Variants in SLC1A7 observed in about 807,000 individuals in gnomAD.
SLC1A7 encodes the protein excitatory amino acid transporter 5.
SLC1A7 carries 40 observed loss-of-function variants against 47.7 expected under a neutral mutation model. The observed-to-expected ratio is 0.84, with a 90% CI of 0.65 to 1.09. SLC1A7 has a LOEUF of 1.09. SLC1A7 is among the 50% of genes least tolerant of loss of function. The pLI, the probability that SLC1A7 is intolerant of heterozygous loss-of-function variation, is 0.00. For synonymous variants in SLC1A7, 323 were observed against 325.6 expected (o/e 0.99, Z 0.09); for missense variants, 746 against 769.5 (o/e 0.97, Z 0.36).
At chr1:53,096,393 A>C (rs962035908) in intron 5 of SLC1A7, among the ~76,000 whole-genome samples, 1 of 136,852 alleles carries the variant, frequency 7.3e-6, no homozygotes, top group Non-Finnish European at 1.6e-5. Context: ...GCCTAGGTAC[A>C]CTCACACGCC....
chr1:53,123,582 G>A (rs1424668216), intron 2 of SLC1A7, among the ~76,000 whole-genome samples: 3 of 152,328 alleles, frequency 2.0e-5, no homozygotes, highest in East Asian at 1.9e-4. Context: ...CCGGGGGTGG[G>A]GGTAGCTGTG....
rs188566480 is a variant in SLC1A7, at chr1:53,127,242, G to C, written c.215+7108C>G. On this transcript the variant is annotated intron_variant, in intron 2 of 10. Transcript: ENST00000371494. Reference sequence around the variant, plus strand: ...TATTCATTGAAAATGTATTGATCAGGCACAGGCAGTAGCAGGCCCTGTATG... The same window carrying C: ...TATTCATTGAAAATGTATTGATCAGCCACAGGCAGTAGCAGGCCCTGTATG... Among the ~76,000 whole-genome samples, 3 of 152,242 alleles carry C rather than the reference G, an allele frequency of 2.0e-5. No homozygotes were observed. The East Asian group carries it at 5.8e-4, about 29-fold the overall frequency.
At chr1:53,136,560 T>TATATTATATATAAACATATATA (rs1553165471) in intron 1 of SLC1A7, among the ~76,000 whole-genome samples, 24,121 of 80,292 alleles carry the variant, frequency 0.3, 3,998 homozygotes, top group Admixed American at 0.43. Flanking sequence ...TATATAAACA[T>TATATTATATATAAACATATATA]ATATATAAAC....
chr1:53,140,227 T>C (rs1319860330), intron 1 of SLC1A7, among the ~76,000 whole-genome samples: 1 of 152,248 alleles, frequency 6.6e-6, no homozygotes, highest in Non-Finnish European at 1.5e-5. Context: ...TACATTTGCA[T>C]TTCCAAACAG....
chr1:53,126,156 C>T lies in SLC1A7; in HGVS notation c.215+8194G>A, dbSNP rs1644879326. Among the ~76,000 whole-genome samples, 2 of 152,168 alleles carry T rather than the reference C, an allele frequency of 1.3e-5. 1 individual carries two copies. Among genetic ancestry groups the T allele is most frequent in the African/African-American group, 4.8e-5 (2 of 41,430 alleles). On this transcript the variant is annotated intron_variant, in intron 2 of 10. Transcript: ENST00000371494. ...GAGAGCATCAGCATACACTCAGAGG[C>T]CGTGATCTAAAACACCCACCCCTCT...
At chr1:53,119,397 G>C (rs553559427) in intron 2 of SLC1A7, among the ~76,000 whole-genome samples, 1 of 152,274 alleles carries the variant, frequency 6.6e-6, no homozygotes, top group South Asian at 2.1e-4. Flanking sequence ...TGCCCAGGCT[G>C]GGGCTCAGTG....
At chr1:53,095,664 GTACACTCACACACCCCAGCTCAA>G (rs1396945338) in intron 5 of SLC1A7, among the ~76,000 whole-genome samples, 2 of 140,558 alleles carry the variant, frequency 1.4e-5, no homozygotes, top group Admixed American at 1.4e-4. Context: ...ACCTGCCTAG[GTACACTCACACACCCCAGCTCAA>G]TACACTCACA....
intron 2 of SLC1A7, among the ~76,000 whole-genome samples, chr1:53,127,849 A>G (rs573531652): frequency 6.5e-4 from 99 of 152,250 alleles, no homozygotes; most frequent in African/African-American, 2.3e-3. Context: ...CTGAGGGAGC[A>G]TGGAGGCGGA....
chr1:53,112,977 C>T (rs375671539), intron 3 of SLC1A7, among the ~76,000 whole-genome samples: 2 of 151,768 alleles, frequency 1.3e-5, no homozygotes, highest in Admixed American at 1.3e-4. Context: ...CTTCCTAGCC[C>T]ACTCCCTCAC....
intron 5 of SLC1A7, among the ~76,000 whole-genome samples, chr1:53,098,048 G>A (rs775250333): frequency 2.7e-4 from 40 of 146,334 alleles, no homozygotes; most frequent in East Asian, 6.3e-4. Flanking sequence ...CCCTGCCTCC[G>A]TACACTCACA....
intron 1 of SLC1A7, among the ~76,000 whole-genome samples, chr1:53,137,201 C>T (rs1000264831): frequency 6.0e-5 from 9 of 149,786 alleles, no homozygotes; most frequent in African/African-American, 1.5e-4. Flanking sequence ...GCACAAGATT[C>T]GCTTGAACCC....
rs780578218 is a variant in SLC1A7, at chr1:53,092,560, G to A, written c.1025C>T (p.Ser342Phe). ...TGCCCGTCCCCGGGGCTACCTGGAG[G>A]AGGTGGCCAGCGCGATGAGCAGAGC... is the stretch of plus-strand genomic sequence containing the variant. Reference protein sequence around the residue: ...LQALLIALATSSSSATLPITF... With the variant: ...LQALLIALATFSSSATLPITF... The change falls in exon 7 of 11, where the codon TCC (serine) becomes TTC (phenylalanine). Residue 342 changes from serine (S) to phenylalanine (F), a missense_variant. Coordinates refer to ENST00000371494, the MANE Select transcript of SLC1A7 (RefSeq NM_006671.6). 1 of 1,610,690 alleles carries A rather than the reference G, an allele frequency of 6.2e-7. No homozygotes were observed. Among genetic ancestry groups the A allele is most frequent in the Non-Finnish European group, 8.5e-7 (1 of 1,176,860 alleles).
chr1:53,136,564 T>TA (rs1644997928), intron 1 of SLC1A7, among the ~76,000 whole-genome samples: 1 of 142,992 alleles, frequency 7.0e-6, no homozygotes, highest in Non-Finnish European at 1.5e-5. Context: ...TAAACATATA[T>TA]ATAAACATAT....
intron 3 of SLC1A7, chr1:53,114,550 G>A: frequency 1.7e-6 from 1 of 591,770 alleles, no homozygotes. Flanking sequence ...GAGAGGGGCA[G>A]ACCCCGTCCA....
At chr1:53,114,080 TC>T (rs1644728701) in intron 3 of SLC1A7, among the ~76,000 whole-genome samples, 1 of 151,876 alleles carries the variant, frequency 6.6e-6, no homozygotes, top group Non-Finnish European at 1.5e-5. Flanking sequence ...TGGCTCTGAG[TC>T]CCCTGGTCCA....
At chr1:53,132,096 G>T (rs1042409802) in intron 2 of SLC1A7, among the ~76,000 whole-genome samples, 30 of 152,308 alleles carry the variant, frequency 2.0e-4, no homozygotes, top group African/African-American at 7.0e-4. Context: ...TGGGACTGGA[G>T]TATGTGACAT....
chr1:53,088,274 T>C (rs1644382162), intron 10 of SLC1A7, 47 bp from the exon 11 acceptor site: 1 of 1,481,514 alleles, frequency 6.7e-7, no homozygotes, highest in African/African-American at 1.4e-5. Flanking sequence ...GGACCAAGGT[T>C]AGATACGAGG....
chr1:53,115,736 C>T (rs1250733658), intron 2 of SLC1A7: 1 of 152,298 alleles, frequency 6.6e-6, no homozygotes, highest in Non-Finnish European at 1.5e-5. Context: ...TGTGCCTGGG[C>T]CCAGGCTCCT....
At chr1:53,099,392 G>T (rs1251666279) in intron 5 of SLC1A7, among the ~76,000 whole-genome samples, 2 of 137,926 alleles carry the variant, frequency 1.5e-5, no homozygotes, top group Non-Finnish European at 3.1e-5. Context: ...TGCCTTGATA[G>T]ACTGACACAC....
Sources: gnomAD v4.1 joint callset for allele counts (sites outside exome capture counted in the v4.1 genomes callset) on GRCh38, gnomAD v4.1.1 for gene constraint, MANE v1.5 for transcripts, NCBI Gene and HGNC (gene_info 2026-07-23, HGNC 2026-07-21) for gene names.